HIP1R: variants seen among roughly 807,000 people sequenced by gnomAD.
The protein encoded by HIP1R is huntingtin interacting protein 1 related, also known as huntingtin-interacting protein 1-related protein.
Under a neutral mutation model 144.2 loss-of-function variants are expected in HIP1R, and 135 were observed. The observed-to-expected ratio is 0.94, with a 90% confidence interval of 0.81 to 1.08. The LOEUF is 1.08. HIP1R is among the 50% of genes least tolerant of loss of function. HIP1R has a pLI of 0.00. For synonymous variants in HIP1R, 698 were observed against 612.8 expected, an observed-to-expected ratio of 1.14 and a Z score of -2.05; for missense variants, 1,462 against 1,432.8, an observed-to-expected ratio of 1.02 and a Z score of -0.33.
intron 7 of HIP1R, chr12:122,853,804 T>C: frequency 2.3e-6 from 1 of 430,296 alleles, no homozygotes; most frequent in East Asian, 3.9e-5. Flanking sequence ...CTGGAAGCCC[T>C]TGCTGAGCTG....
Position 122,860,531 on chromosome 12 carries a change from G to C in HIP1R, c.2660+8G>C, listed in dbSNP as rs2033737070. On this transcript the variant is annotated splice_region_variant and intron_variant, in intron 27 of 31. Transcript: ENST00000253083. The stretch of plus-strand genomic sequence containing the variant: ...GGGAGCCACACAGCTGGTGTAGGTT[G>C]CCCTGGGTGGGGGGGGGCAGGGGGC... 7 of 1,465,652 alleles carry C rather than the reference G, an allele frequency of 4.8e-6. No individual in the cohort carries two copies. Among genetic ancestry groups the C allele is most frequent in the Middle Eastern group, 1.7e-4 (1 of 5,766 alleles). The allele number at this position is 1,465,652 out of a possible 1,614,324, so 90.8% of individuals were successfully genotyped here.
chr12:122,855,047 C>T lies in HIP1R; in HGVS notation c.777-6C>T. Reference sequence around the variant, plus strand: ...CCTGAACCCGAACTTCCCACCATCTCTGCAGCCTCAGGAACTTCTTCCGCA... The same window carrying T: ...CCTGAACCCGAACTTCCCACCATCTTTGCAGCCTCAGGAACTTCTTCCGCA... On this transcript the variant is annotated splice_polypyrimidine_tract_variant and splice_region_variant and intron_variant, in intron 9 of 31. Transcript: ENST00000253083. 6.2e-7 allele frequency: 1 copy of T among 1,613,932 alleles called. No homozygotes were observed. Among genetic ancestry groups the T allele is most frequent in the Non-Finnish European group, 8.5e-7 (1 of 1,180,008 alleles).
chr12:122,858,827 C>T lies in HIP1R; in HGVS notation c.2051-11C>T, dbSNP rs1244554613. Reference sequence around the variant, plus strand: ...ATCCTCCCCCAACCTTGGCCCCACCCACCCGCACAGACGCCTCCGCCCTGG... The same window carrying T: ...ATCCTCCCCCAACCTTGGCCCCACCTACCCGCACAGACGCCTCCGCCCTGG... On this transcript the variant is annotated splice_polypyrimidine_tract_variant and intron_variant, in intron 20 of 31. Transcript: ENST00000253083. The T allele has an allele frequency of 1.2e-6, 2 of 1,605,090 alleles. No individual in the cohort carries two copies. Among genetic ancestry groups the T allele is most frequent in the Admixed American group, 1.7e-5 (1 of 60,020 alleles).
In HIP1R at chr12:122,856,534, G is replaced by T. The variant is rs369090994; in HGVS notation, c.1504G>T (p.Glu502Ter). 1 of 1,600,320 alleles carries T rather than the reference G, an allele frequency of 6.2e-7. No homozygotes were observed. The highest frequency in any genetic ancestry group is 2.3e-5 in the East Asian group (1 of 44,376). Reference sequence around the variant, plus strand: ...CTTCCAGGTGGAGCAGGTGAAGCGGGAGTCGGAGTTGAAGGTATGTCCCTT... The same window carrying T: ...CTTCCAGGTGGAGCAGGTGAAGCGGTAGTCGGAGTTGAAGGTATGTCCCTT... ...LAFQVEQVKR[E>*]SELKLEEKSD... The change falls in exon 16 of 32, where the codon GAG (glutamate) becomes TAG (stop). Residue 502 changes from glutamate to a stop codon, truncating the protein, a stop_gained. Coordinates refer to ENST00000253083, the MANE Select transcript of HIP1R (RefSeq NM_003959.3). LOFTEE classifies it high-confidence loss of function.
In HIP1R at chr12:122,857,184, A is replaced by C. The variant is rs945069316; in HGVS notation, c.1784A>C (p.Gln595Pro). 1 of 1,550,360 alleles carries C rather than the reference A, an allele frequency of 6.5e-7. No individual in the cohort carries two copies. Among genetic ancestry groups the C allele is most frequent in the Non-Finnish European group, 8.7e-7 (1 of 1,146,874 alleles). Residue 595 changes from glutamine (Q) to proline (P), a missense_variant, in exon 18 of 32, where the codon CAG becomes CCG. Transcript: ENST00000253083. ...SREQQRSSQE[Q>P]GELQGRLAER... The stretch of plus-strand genomic sequence containing the variant: ...GAGCAGCAGCGCAGCTCCCAGGAGC[A>C]GGGCGAGTTGCAGGGCCGGCTGGCA...
intron 17 of HIP1R, 70 bp downstream of exon 17, chr12:122,856,796 C>A (rs1189998477): frequency 1.5e-6 from 2 of 1,342,578 alleles, no homozygotes; most frequent in Non-Finnish European, 2.1e-6. Flanking sequence ...GGTCCTCTTT[C>A]CCGTGAACAG....
In HIP1R at chr12:122,859,043, G is replaced by T. The variant is rs1385954080; in HGVS notation, c.2159-18G>T. On this transcript the variant is annotated intron_variant, in intron 21 of 31. Coordinates refer to ENST00000253083, the MANE Select transcript of HIP1R (RefSeq NM_003959.3). ...TGTCGGTGGGGGGGGCTCCACTCAC[G>T]GTCCTTTCTCACCCCAGGCCTCATA... The T allele has an allele frequency of 6.2e-7, 1 of 1,605,302 alleles. No individual in the cohort carries two copies. Among genetic ancestry groups the T allele is most frequent in the East Asian group, 2.3e-5 (1 of 44,436 alleles).
At chr12:122,859,645 C>T in intron 23 of HIP1R, 109 bp downstream of exon 23, 2 of 1,361,838 alleles carry the variant, frequency 1.5e-6, no homozygotes, top group South Asian at 2.5e-5. Context: ...AGCCTCCAGA[C>T]AGAGGACAGA....
chr12:122,854,032 C>T lies in HIP1R; in HGVS notation c.578-11C>T. The T allele has an allele frequency of 1.2e-6, 2 of 1,612,696 alleles. No individual in the cohort carries two copies. Among genetic ancestry groups the T allele is most frequent in the Non-Finnish European group, 1.7e-6 (2 of 1,179,318 alleles). On this transcript the variant is annotated splice_polypyrimidine_tract_variant and intron_variant, in intron 7 of 31. Transcript: ENST00000253083. ...AGGGCTCACGTTCTTCCTCCTGCCC[C>T]TTTTGCACAGTTTTCCGACAGCTCA...
chr12:122,846,553 G>A (rs2033217423), intron 1 of HIP1R, among the ~76,000 whole-genome samples: 3 of 152,188 alleles, frequency 2.0e-5, no homozygotes, highest in Admixed American at 6.5e-5. Context: ...TGAGGCCTGG[G>A]GGCCACTGGC....
At position 122,859,047 on chromosome 12, in the gene HIP1R, C is replaced by T; in HGVS notation, c.2159-14C>T. 2 of 1,605,660 alleles carry T rather than the reference C, an allele frequency of 1.2e-6. No individual in the cohort carries two copies. Among genetic ancestry groups the T allele is most frequent in the South Asian group, 1.1e-5 (1 of 90,278 alleles). On this transcript the variant is annotated splice_polypyrimidine_tract_variant and intron_variant, in intron 21 of 31. Transcript: ENST00000253083. ...GGTGGGGGGGGCTCCACTCACGGTC[C>T]TTTCTCACCCCAGGCCTCATAGACA...
chr12:122,842,848 C>T (rs989907735), intron 1 of HIP1R, among the ~76,000 whole-genome samples: 4 of 152,222 alleles, frequency 2.6e-5, no homozygotes, highest in African/African-American at 9.7e-5. Flanking sequence ...AGTCCAGGGA[C>T]CAGTGCAGCT....
Position 122,860,711 on chromosome 12 carries a change from G to T in HIP1R, c.2693G>T (p.Gly898Val), listed in dbSNP as rs776999646. 6 of 1,613,246 alleles carry T rather than the reference G, an allele frequency of 3.7e-6. No individual in the cohort carries two copies. Among genetic ancestry groups the T allele is most frequent in the Non-Finnish European group, 5.1e-6 (6 of 1,179,970 alleles). The change falls in exon 28 of 32, where the codon GGC (glycine) becomes GTC (valine). Residue 898 changes from glycine to valine, a missense_variant. Physicochemically the swap from Gly to Val is moderately radical, Grantham distance 109 (BLOSUM62 -3). Transcript: ENST00000253083. Reference sequence around the variant, plus strand: ...GCTGACAAGGTGGTGCTTCACACGGGCAAGTATGAGGAGCTCATCGTCTGC... The same window carrying T: ...GCTGACAAGGTGGTGCTTCACACGGTCAAGTATGAGGAGCTCATCGTCTGC... ...EAADKVVLHTGKYEELIVCSH... is the reference protein window; with the variant it reads ...EAADKVVLHTVKYEELIVCSH...
chr12:122,857,210 G>A lies in HIP1R; in HGVS notation c.1810G>A (p.Glu604Lys). 6.5e-7 allele frequency: 1 copy of A among 1,550,368 alleles called. No individual in the cohort carries two copies. Among genetic ancestry groups the A allele is most frequent in the Non-Finnish European group, 8.7e-7 (1 of 1,146,770 alleles). Residue 604 changes from glutamate (E) to lysine (K), a missense_variant, in exon 18 of 32, where the codon GAG becomes AAG. Glu to Lys is a moderately conservative substitution (Grantham distance 56). Around this residue, in one of 2 missense-constraint regions of HIP1R, gnomAD observed 1,112 missense variants for 1,011.7 expected, o/e 1.10. Transcript: ENST00000253083. ...GGGCGAGTTGCAGGGCCGGCTGGCA[G>A]AGAGGGTATGGCCTCCCCAGATGCA... ...EQGELQGRLAERESQEQGLRQ... is the reference protein window; with the variant it reads ...EQGELQGRLAKRESQEQGLRQ...
At position 122,854,908 on chromosome 12, in the gene HIP1R, T is replaced by G. The variant is rs745375370; in HGVS notation, c.722T>G (p.Leu241Arg). 1.9e-6 allele frequency: 3 copies of G among 1,612,614 alleles called. No homozygotes were observed. The highest frequency in any genetic ancestry group is 2.5e-6 in the Non-Finnish European group (3 of 1,179,514). ...VKLLFKLHSC[L>R]PADTLQGHRD... ...TTACACTTGTGCCACCCTCCAGGTCTCCCTGCGGACACCCTGCAAGGCCAC... is the reference window on the plus strand; with the variant it reads ...TTACACTTGTGCCACCCTCCAGGTCGCCCTGCGGACACCCTGCAAGGCCAC... The change falls in exon 9 of 32, where the codon CTC becomes CGC. Residue 241 changes from leucine to arginine, a missense_variant. This residue lies in a region of HIP1R where 350 missense variants were observed against 421.1 expected (regional missense o/e 0.83). Transcript: ENST00000253083.
chr12:122,861,726 C>T lies in HIP1R; in HGVS notation c.3180C>T (p.Ile1060=), dbSNP rs773752607. ...QDHQLDKKDG[I]YPAQLVNY is the part of the protein sequence containing the mutation. ...TGCAGCTTGACAAAAAGGATGGCATCTACCCAGCTCAACTCGTGAACTACT... is the reference window on the plus strand; with the variant it reads ...TGCAGCTTGACAAAAAGGATGGCATTTACCCAGCTCAACTCGTGAACTACT... Residue 1060 remains isoleucine (I), a synonymous_variant, in exon 32 of 32, where the codon ATC becomes ATT. Transcript: ENST00000253083. 1 of 1,614,144 alleles carries T rather than the reference C, an allele frequency of 6.2e-7. No homozygotes were observed. The highest frequency in any genetic ancestry group is 2.2e-5 in the East Asian group (1 of 44,882).
intron 11 of HIP1R, 62 bp from the exon 12 acceptor site, chr12:122,855,489 T>A: frequency 6.5e-7 from 1 of 1,547,774 alleles, no homozygotes. Context: ...CAGCCCTCCC[T>A]TTGCCCACTG....
At chr12:122,846,038 C>A (rs1325162767) in intron 1 of HIP1R, among the ~76,000 whole-genome samples, 3 of 152,252 alleles carry the variant, frequency 2.0e-5, no homozygotes, top group Non-Finnish European at 4.4e-5. Context: ...TTCGCCTCCA[C>A]CCTTCTTGCC....
chr12:122,856,231 T>C (rs777731063), intron 14 of HIP1R, 25 bp from the exon 15 acceptor site: 4 of 1,612,524 alleles, frequency 2.5e-6, no homozygotes, highest in Non-Finnish European at 3.4e-6. Context: ...ACACGGGGCA[T>C]CACTGCCCCT....
Sources: allele counts gnomAD v4.1 joint callset (sites outside exome capture counted in the v4.1 genomes callset), GRCh38; gene constraint gnomAD v4.1.1; regional missense constraint gnomAD v4.1.1; transcripts MANE v1.5; gene names NCBI Gene and HGNC (gene_info 2026-07-23, HGNC 2026-07-21).